ATOH8: variants seen among roughly 807,000 people sequenced by gnomAD.
The protein encoded by ATOH8 is transcription factor ATOH8.
Under a neutral mutation model 21.2 loss-of-function variants are expected in ATOH8, and 9 were observed. The ratio of observed to expected loss-of-function variants is 0.42; its 90% CI spans 0.26 to 0.74. The LOEUF is 0.74. ATOH8 is among the 30% of genes least tolerant of loss of function. The pLI, the probability that ATOH8 is intolerant of heterozygous loss-of-function variation, is 0.24. For missense variants in ATOH8, 524 were observed against 470.9 expected, an observed-to-expected ratio of 1.11 and a Z score of -1.04; for synonymous variants, 253 against 224.0, an observed-to-expected ratio of 1.13 and a Z score of -1.16.
At chr2:85,755,416 G>A (rs1379316295) in intron 1 of ATOH8, among the ~76,000 whole-genome samples, 1 of 152,178 alleles carries the variant, frequency 6.6e-6, no homozygotes, top group Non-Finnish European at 1.5e-5. Flanking sequence ...TCAGGCCCCA[G>A]CGGTGATGCC....
intron 2 of ATOH8, chr2:85,774,120 G>A (rs1680264784): frequency 2.0e-6 from 2 of 985,472 alleles, no homozygotes; most frequent in South Asian, 9.4e-5. Context: ...TGCAAAATCT[G>A]CTCTCCCTCC....
Position 85,774,098 on chromosome 2 carries a change from G to A in ATOH8, c.960+9916G>A, listed in dbSNP as rs918885666. The A allele has an allele frequency of 1.4e-4, 135 of 985,416 alleles. 1 individual carries two copies. Among genetic ancestry groups the A allele is most frequent in the Non-Finnish European group, 1.5e-4 (126 of 829,898 alleles). 61.0% of individuals were successfully genotyped at this position (985,416 alleles called of 1,614,324 possible). A position where few individuals can be genotyped will look rare whatever the true frequency, so the allele number is the denominator to read the frequency against. On this transcript the variant is annotated intron_variant, in intron 2 of 2. Transcript: ENST00000306279. ...TTCATGGATTAGTGGCATAAAGGAC[G>A]TAATATTGTTTTGCAAAATCTGCTC... is the stretch of plus-strand genomic sequence containing the variant.
At chr2:85,777,755 G>A (rs959242486) in intron 2 of ATOH8, among the ~76,000 whole-genome samples, 1 of 152,234 alleles carries the variant, frequency 6.6e-6, no homozygotes, top group Non-Finnish European at 1.5e-5. Context: ...TGGGCTTCTC[G>A]TCTGTTTTGT....
intron 2 of ATOH8, among the ~76,000 whole-genome samples, chr2:85,779,379 A>G (rs1345271656): frequency 2.0e-5 from 3 of 152,274 alleles, no homozygotes; most frequent in Admixed American, 2.0e-4. Context: ...GAGTTGGCAG[A>G]GACACACAGG....
Position 85,757,933 on chromosome 2 carries a change from G to A in ATOH8, c.768+2976G>A, listed in dbSNP as rs528590898. On this transcript the variant is annotated intron_variant, in intron 1 of 2. Transcript: ENST00000306279. ...CCCGAGTAGCTGGGATTACAGGTGC[G>A]CACCACCACACCTGGGTAATTTTTT... 5.1e-4 allele frequency among the ~76,000 whole-genome samples: 77 copies of A among 151,850 alleles called. 1 individual carries two copies. Among genetic ancestry groups the A allele is most frequent in the African/African-American group, 1.6e-3 (65 of 41,382 alleles).
intron 1 of ATOH8, among the ~76,000 whole-genome samples, chr2:85,757,638 G>C (rs1679748457): frequency 6.6e-6 from 1 of 152,152 alleles, no homozygotes; most frequent in African/African-American, 2.4e-5. Context: ...CATGCCTTCT[G>C]TGTGGCTGTG....
chr2:85,771,368 C>CAAG (rs1383821237), intron 2 of ATOH8, among the ~76,000 whole-genome samples: 12 of 152,182 alleles, frequency 7.9e-5, no homozygotes, highest in African/African-American at 2.9e-4. Context: ...AAGGATTAAA[C>CAAG]AAGACCCCAT....
rs763289073 is a variant in ATOH8, at chr2:85,754,768, G to A, written c.579G>A (p.Ser193=). The part of the protein sequence containing the change: ...PPTRPGESSY[S]SISHVIYNNH... Reference sequence around the variant, plus strand: ...CGCGCCCCGGGGAAAGTTCCTACTCGTCAATTTCACACGTAATTTACAATA... The same window carrying A: ...CGCGCCCCGGGGAAAGTTCCTACTCATCAATTTCACACGTAATTTACAATA... Residue 193 remains serine (S), a synonymous_variant, in exon 1 of 3, where the codon TCG becomes TCA. Transcript: ENST00000306279. 1.2e-6 allele frequency: 2 copies of A among 1,612,926 alleles called. No homozygotes were observed. Among genetic ancestry groups the A allele is most frequent in the Non-Finnish European group, 1.7e-6 (2 of 1,179,848 alleles).
At chr2:85,777,249 C>G (rs748564515) in intron 2 of ATOH8, among the ~76,000 whole-genome samples, 9 of 152,136 alleles carry the variant, frequency 5.9e-5, no homozygotes, top group Non-Finnish European at 1.3e-4. Context: ...GTCTTTGGAG[C>G]CCACTGCACT....
In ATOH8 at chr2:85,790,277, C is replaced by T. The variant is rs982376930; in HGVS notation, c.*3387C>T. Among the ~76,000 whole-genome samples, 29 of 152,192 alleles carry T rather than the reference C, an allele frequency of 1.9e-4. No individual in the cohort carries two copies. The highest frequency in any genetic ancestry group is 6.8e-4 in the African/African-American group (28 of 41,458). ...CCTCTCCAGGGACCCGCAAGATCTT[C>T]CTGGGTATGTCTGCATGAAGCCCCA... is the stretch of plus-strand genomic sequence containing the variant. On this transcript the variant is annotated 3_prime_UTR_variant, in exon 3 of 3. Coordinates refer to ENST00000306279, the MANE Select transcript of ATOH8 (RefSeq NM_032827.7).
At chr2:85,763,821 CGTGT>C (rs61491730) in intron 1 of ATOH8, among the ~76,000 whole-genome samples, 166 bp from the exon 2 acceptor site, 274 of 143,858 alleles carry the variant, frequency 1.9e-3, no homozygotes, top group African/African-American at 4.7e-3. Context: ...GATGAGCTGA[CGTGT>C]GTGTGTGTGT....
intron 2 of ATOH8, among the ~76,000 whole-genome samples, chr2:85,779,624 C>T (rs985766264): frequency 6.6e-6 from 1 of 152,198 alleles, no homozygotes; most frequent in African/African-American, 2.4e-5. Context: ...GCTTGGGGAC[C>T]TGCCGTTCCT....
At chr2:85,778,302 G>A (rs545285918) in intron 2 of ATOH8, among the ~76,000 whole-genome samples, 1 of 136,630 alleles carries the variant, frequency 7.3e-6, no homozygotes, top group African/African-American at 3.1e-5. Context: ...ACGTGCATAC[G>A]TGTGTGTGTG....
chr2:85,772,747 T>C (rs1253261674), intron 2 of ATOH8: 1 of 456,996 alleles, frequency 2.2e-6, no homozygotes, highest in East Asian at 6.9e-5. Context: ...CCGTAAAAGT[T>C]GGCGGCTGGA....
rs1278169085 is a variant in ATOH8 at position 85,754,500 on chromosome 2, TCTC to T, written c.313_315del (p.Ser105del). On this transcript the variant is annotated inframe_deletion, in exon 1 of 3. Transcript: ENST00000306279. The stretch of plus-strand genomic sequence containing the variant: ...CGCGGGGGCTCTCGGGCGCCCGAGG[TCTC>T]CGACGCGCGGAAACGCTGCTTCGCC... 1 of 1,431,432 alleles carries T rather than the reference TCTC, an allele frequency of 7.0e-7. No individual in the cohort carries two copies. The highest frequency in any genetic ancestry group is 3.1e-5 in the Admixed American group (1 of 32,322). The allele number at this position is 1,431,432 out of a possible 1,614,324, so 88.7% of individuals were successfully genotyped here.
At chr2:85,767,581 C>CCCCTCCT (rs1680054546) in intron 2 of ATOH8, among the ~76,000 whole-genome samples, 1 of 131,120 alleles carries the variant, frequency 7.6e-6, no homozygotes, top group Admixed American at 7.5e-5. Flanking sequence ...CCTCCCCTCT[C>CCCCTCCT]CTTCCCTTCC....
Position 85,789,420 on chromosome 2 carries a change from G to A in ATOH8, c.*2530G>A, listed in dbSNP as rs1293628198. On this transcript the variant is annotated 3_prime_UTR_variant, in exon 3 of 3. Transcript: ENST00000306279. ...TATAGCAGATGACTAAGGTGTTGTC[G>A]GGAGCTTCAGGAAAGGAAGAACTAA... Among the ~76,000 whole-genome samples the A allele has an allele frequency of 6.6e-6, 1 of 152,090 alleles. No homozygotes were observed. Among genetic ancestry groups the A allele is most frequent in the Non-Finnish European group, 1.5e-5 (1 of 68,026 alleles).
intron 2 of ATOH8, among the ~76,000 whole-genome samples, chr2:85,767,580 T>TCCTCCCCTCCCCTCC (rs1558611965): frequency 1.3e-5 from 1 of 79,232 alleles, no homozygotes; most frequent in African/African-American, 5.3e-5. Flanking sequence ...CCCTCCCCTC[T>TCCTCCCCTCCCCTCC]CCTTCCCTTC....
At chr2:85,778,301 CGT>C (rs35948498) in intron 2 of ATOH8, among the ~76,000 whole-genome samples, 18 of 141,476 alleles carry the variant, frequency 1.3e-4, no homozygotes, top group South Asian at 2.2e-4. Flanking sequence ...CACGTGCATA[CGT>C]GTGTGTGTGT....
Sources: allele counts gnomAD v4.1 joint callset (sites outside exome capture counted in the v4.1 genomes callset), GRCh38; gene constraint gnomAD v4.1.1; transcripts MANE v1.5; gene names NCBI Gene and HGNC (gene_info 2026-07-23, HGNC 2026-07-21).